The following RBMS3 variants were observed in gnomAD, a reference collection of about 807,000 sequenced individuals.
RBMS3 encodes RNA binding motif single stranded interacting protein 3.
RBMS3 carries 27 observed loss-of-function variants against 66.8 expected under a neutral mutation model. The observed-to-expected ratio is 0.40, with a 90% CI of 0.30 to 0.56. RBMS3 has a LOEUF of 0.56. Ranked by LOEUF, RBMS3 falls within the 20% of genes least tolerant of loss-of-function variation. The pLI is 0.40. For synonymous variants in RBMS3, 188 were observed against 183.0 expected (o/e 1.03, Z -0.22); for missense variants, 513 against 549.5 (o/e 0.93, Z 0.66).
At chr3:29,759,287 C>T (rs1351148589) in intron 5 of RBMS3, among the ~76,000 whole-genome samples, 1 of 151,922 alleles carries the variant, frequency 6.6e-6, no homozygotes, top group East Asian at 1.9e-4. Flanking sequence ...GGTACTGAGA[C>T]AAGAAAGAAT....
intron 1 of RBMS3, among the ~76,000 whole-genome samples, chr3:29,325,376 C>T (rs372206084): frequency 6.6e-6 from 1 of 151,776 alleles, no homozygotes; most frequent in Non-Finnish European, 1.5e-5. Flanking sequence ...ATCGTTATAC[C>T]GTTTTGTATT....
chr3:29,700,034 T>C lies in RBMS3; in HGVS notation c.400-39686T>C, dbSNP rs1347253236. 2.0e-5 allele frequency among the ~76,000 whole-genome samples: 3 copies of C among 152,306 alleles called. No homozygotes were observed. The South Asian group carries it at 6.2e-4, about 32-fold the overall frequency. The stretch of plus-strand genomic sequence containing the variant: ...ATTAGATGCATTGGCACCCTAGTAG[T>C]TATATTTATTGAACTCTCTAAGAGA... On this transcript the variant is annotated intron_variant, in intron 4 of 14. Transcript: ENST00000383767.
chr3:29,598,763 A>G (rs2048048202), intron 4 of RBMS3, among the ~76,000 whole-genome samples: 1 of 152,040 alleles, frequency 6.6e-6, no homozygotes, highest in South Asian at 2.1e-4. Context: ...TAAGAGCACA[A>G]TCTGAGAATG....
At chr3:29,500,888 G>T (rs1170075581) in intron 3 of RBMS3, among the ~76,000 whole-genome samples, 1 of 151,558 alleles carries the variant, frequency 6.6e-6, no homozygotes, top group East Asian at 1.9e-4. Context: ...ACATTTATGA[G>T]GTATTTTTAT....
intron 3 of RBMS3, among the ~76,000 whole-genome samples, chr3:29,489,496 C>G (rs551440416): frequency 3.6e-4 from 54 of 151,330 alleles, no homozygotes; most frequent in Admixed American, 1.1e-3. Flanking sequence ...AAAAAGACAC[C>G]AAGAAAACCA....
At chr3:29,779,706 A>AAT (rs566888716) in intron 6 of RBMS3, among the ~76,000 whole-genome samples, 1,391 of 106,956 alleles carry the variant, frequency 0.013, 85 homozygotes, top group African/African-American at 0.035. Flanking sequence ...ATTAAGATGA[A>AAT]ATATATATAT....
At chr3:29,812,187 C>G (rs1191858951) in intron 6 of RBMS3, among the ~76,000 whole-genome samples, 2 of 151,998 alleles carry the variant, frequency 1.3e-5, no homozygotes, top group East Asian at 3.9e-4. Flanking sequence ...GAAAATTGTT[C>G]CAAGAATGTG....
rs1310204597 is a variant in RBMS3, at chr3:29,897,372, T to C, written c.792-7T>C. The C allele has an allele frequency of 4.3e-6, 7 of 1,609,526 alleles. No homozygotes were observed. The South Asian group carries it at 5.5e-5, about 13-fold the overall frequency. On this transcript the variant is annotated splice_region_variant and splice_polypyrimidine_tract_variant and intron_variant, in intron 8 of 14. Transcript: ENST00000383767. The stretch of plus-strand genomic sequence containing the variant: ...CGTGAATCTTCCTTTTTGTTTTCTG[T>C]TTGCAGATTTTATTCTTCACCGTAC...
At chr3:29,743,636 C>T (rs747956466) in intron 5 of RBMS3, among the ~76,000 whole-genome samples, 8 of 152,108 alleles carry the variant, frequency 5.3e-5, no homozygotes, top group Non-Finnish European at 1.0e-4. Context: ...GTTCTTAGGA[C>T]CACCTGAATG....
At chr3:29,292,650 G>A (rs2032913774) in intron 1 of RBMS3, among the ~76,000 whole-genome samples, 1 of 151,676 alleles carries the variant, frequency 6.6e-6, no homozygotes, top group East Asian at 1.9e-4. Context: ...TAGTGATGAG[G>A]CTGTCAATAG....
intron 14 of RBMS3, among the ~76,000 whole-genome samples, chr3:29,999,911 TAATA>T (rs1193092865): frequency 6.6e-6 from 1 of 151,320 alleles, no homozygotes; most frequent in Non-Finnish European, 1.5e-5. Flanking sequence ...AGTATAATAA[TAATA>T]AAATAATAAT....
chr3:29,317,596 TAA>T (rs1241145996), intron 1 of RBMS3, among the ~76,000 whole-genome samples: 2 of 151,472 alleles, frequency 1.3e-5, no homozygotes, highest in East Asian at 3.9e-4. Flanking sequence ...CAGAAATACA[TAA>T]AAATAAAGGA....
At chr3:29,780,319 CA>C (rs35102146) in intron 6 of RBMS3, among the ~76,000 whole-genome samples, 14,292 of 146,614 alleles carry the variant, frequency 0.097, 767 homozygotes, top group Non-Finnish European at 0.12. Flanking sequence ...AGTCAGATAA[CA>C]AAAAAAAAAA....
intron 7 of RBMS3, among the ~76,000 whole-genome samples, chr3:29,869,835 C>T (rs919022907): frequency 6.6e-6 from 1 of 152,136 alleles, no homozygotes; most frequent in Admixed American, 6.6e-5. Flanking sequence ...TTCAAAGCAC[C>T]TACTTCATCC....
chr3:29,666,120 C>T lies in RBMS3; in HGVS notation c.400-73600C>T, dbSNP rs184536270. On this transcript the variant is annotated intron_variant, in intron 4 of 14. Coordinates refer to ENST00000383767, the MANE Select transcript of RBMS3 (RefSeq NM_001003793.3). ...TCCTCTGCCTGGATGGGTATTCTCC[C>T]GAATATCCATTTGCCTCCTTTATCT... 5.3e-5 allele frequency among the ~76,000 whole-genome samples: 8 copies of T among 152,264 alleles called. No homozygotes were observed. The East Asian group carries it at 5.8e-4, about 11-fold the overall frequency.
chr3:29,703,256 T>G (rs1256201998), intron 4 of RBMS3, among the ~76,000 whole-genome samples: 1 of 152,248 alleles, frequency 6.6e-6, no homozygotes, highest in Admixed American at 6.5e-5. Flanking sequence ...CTGTACTGTC[T>G]TCTCCATGGA....
At chr3:29,775,553 G>C (rs763254566) in intron 6 of RBMS3, among the ~76,000 whole-genome samples, 2 of 152,112 alleles carry the variant, frequency 1.3e-5, no homozygotes, top group South Asian at 4.1e-4. Flanking sequence ...TAATATCTAA[G>C]AGCCAGAAAG....
Position 29,940,043 on chromosome 3 carries a change from A to G in RBMS3, c.1050+3847A>G, listed in dbSNP as rs2061353430. ...CCTGTAGTCAAACCATACATCTAAG[A>G]CCCAATCAAGACCCTTTCCTTCTCC... On this transcript the variant is annotated intron_variant, in intron 11 of 14. Coordinates refer to ENST00000383767, the MANE Select transcript of RBMS3 (RefSeq NM_001003793.3). Among the ~76,000 whole-genome samples, 17 of 151,700 alleles carry G rather than the reference A, an allele frequency of 1.1e-4. 1 individual carries two copies. Among genetic ancestry groups the G allele is most frequent in the Admixed American group, 1.1e-3 (17 of 15,190 alleles).
intron 2 of RBMS3, among the ~76,000 whole-genome samples, chr3:29,478,960 T>C (rs1370056316): frequency 6.6e-6 from 1 of 152,176 alleles, no homozygotes; most frequent in Non-Finnish European, 1.5e-5. Flanking sequence ...GTCCAAAATT[T>C]GCAAACCTTA....
Sources: gnomAD v4.1 joint callset for allele counts (sites outside exome capture counted in the v4.1 genomes callset) on GRCh38, gnomAD v4.1.1 for gene constraint, MANE v1.5 for transcripts, NCBI Gene and HGNC (gene_info 2026-07-23, HGNC 2026-07-21) for gene names.